Variants in EYS observed in about 807,000 individuals in gnomAD.
EYS encodes EGF-like photoreceptor maintenance factor.
Under a neutral mutation model 282.1 loss-of-function variants are expected in EYS, and 250 were observed. That is an observed-to-expected ratio of 0.89 (90% CI 0.80 to 0.98). EYS has a LOEUF of 0.98. Among genes scored for constraint, EYS ranks in the 50% least tolerant of loss-of-function variants. The probability of loss-of-function intolerance (pLI) is 0.00; values close to 1 mark genes in which losing one functional copy is unlikely to be tolerated. For missense variants in EYS, 4,016 were observed against 3,709.0 expected, an observed-to-expected ratio of 1.08 and a Z score of -2.15; for synonymous variants, 1,355 against 1,282.9, an observed-to-expected ratio of 1.06 and a Z score of -1.20.
intron 35 of EYS, among the ~76,000 whole-genome samples, chr6:63,889,898 A>G (rs940774908): frequency 1.3e-5 from 2 of 152,108 alleles, no homozygotes; most frequent in African/African-American, 4.8e-5. Flanking sequence ...AAAGTCACAC[A>G]TAGGCTCAAA....
intron 19 of EYS, among the ~76,000 whole-genome samples, chr6:64,842,598 G>T (rs2060460619): frequency 6.6e-6 from 1 of 151,922 alleles, no homozygotes; most frequent in African/African-American, 2.4e-5. Flanking sequence ...CAATATGAAT[G>T]CTAAGGTCCA....
chr6:64,291,647 A>G (rs1171121943), intron 30 of EYS, among the ~76,000 whole-genome samples: 1 of 152,134 alleles, frequency 6.6e-6, no homozygotes, highest in Non-Finnish European at 1.5e-5. Flanking sequence ...AAATTGGAAT[A>G]GAAATAAATC....
chr6:65,617,699 C>A (rs1289754435), intron 2 of EYS, among the ~76,000 whole-genome samples: 1 of 122,470 alleles, frequency 8.2e-6, no homozygotes, highest in Non-Finnish European at 1.7e-5. Flanking sequence ...CTATCCCTCC[C>A]CCCTCCCCCC....
intron 35 of EYS, among the ~76,000 whole-genome samples, chr6:63,887,468 G>A (rs1004465011): frequency 4.6e-5 from 7 of 151,936 alleles, no homozygotes; most frequent in East Asian, 1.9e-4. Context: ...AGTTCATCTC[G>A]TTGGGACTGG....
At chr6:64,358,165 G>T (rs993434175) in intron 29 of EYS, among the ~76,000 whole-genome samples, 1 of 151,594 alleles carries the variant, frequency 6.6e-6, no homozygotes, top group African/African-American at 2.4e-5. Flanking sequence ...TGCCCAGGTG[G>T]TGTCTATTCC....
At chr6:64,499,627 T>G (rs1236696839) in intron 26 of EYS, among the ~76,000 whole-genome samples, 2 of 152,094 alleles carry the variant, frequency 1.3e-5, no homozygotes, top group Non-Finnish European at 2.9e-5. Flanking sequence ...CTACCTCTTA[T>G]CTGTCTTTTT....
chr6:65,030,259 G>T (rs1400132499), intron 13 of EYS, among the ~76,000 whole-genome samples: 1 of 152,092 alleles, frequency 6.6e-6, no homozygotes, highest in African/African-American at 2.4e-5. Flanking sequence ...GATGCTGCTT[G>T]CAGCACAGTG....
chr6:65,139,222 A>T (rs1764253424), intron 12 of EYS, among the ~76,000 whole-genome samples: 1 of 152,168 alleles, frequency 6.6e-6, no homozygotes, highest in Non-Finnish European at 1.5e-5. Flanking sequence ...AAAATGTGGT[A>T]CACATACACC....
chr6:65,443,147 ACAT>A (rs1436888038), intron 5 of EYS, among the ~76,000 whole-genome samples: 4 of 150,848 alleles, frequency 2.7e-5, no homozygotes, highest in African/African-American at 4.8e-5. Flanking sequence ...ATATATGTAC[ACAT>A]CATACACATA....
At chr6:64,098,227 A>G (rs1414758743) in intron 31 of EYS, among the ~76,000 whole-genome samples, 1 of 152,218 alleles carries the variant, frequency 6.6e-6, no homozygotes, top group Non-Finnish European at 1.5e-5. Flanking sequence ...CCAGAATAGT[A>G]TATTTTGTAC....
chr6:65,097,859 G>A (rs912238745), intron 12 of EYS, among the ~76,000 whole-genome samples: 10 of 150,636 alleles, frequency 6.6e-5, no homozygotes, highest in African/African-American at 2.4e-4. Context: ...AGGGAAAATG[G>A]GAGTTGTTCA....
intron 12 of EYS, among the ~76,000 whole-genome samples, chr6:65,109,673 A>C (rs1775155180): frequency 6.7e-6 from 1 of 149,670 alleles, no homozygotes; most frequent in Non-Finnish European, 1.5e-5. Flanking sequence ...AAAAAAAAAC[A>C]CCTTTTTTTC....
At chr6:64,988,248 A>G (rs1770932831) in intron 14 of EYS, among the ~76,000 whole-genome samples, 1 of 151,548 alleles carries the variant, frequency 6.6e-6, no homozygotes, top group South Asian at 2.1e-4. Flanking sequence ...GAGAGAGATC[A>G]GGCTGAGGTG....
intron 22 of EYS, among the ~76,000 whole-genome samples, chr6:64,706,415 GACCAAGT>G (rs1771019089): frequency 6.6e-6 from 1 of 151,896 alleles, no homozygotes; most frequent in Non-Finnish European, 1.5e-5. Flanking sequence ...AAGACTTCAT[GACCAAGT>G]ACCCAAAAGC....
At chr6:65,655,170 G>A (rs1194798676) in intron 1 of EYS, among the ~76,000 whole-genome samples, 3 of 151,438 alleles carry the variant, frequency 2.0e-5, no homozygotes, top group African/African-American at 7.3e-5. Flanking sequence ...GGATGACATT[G>A]AAAACTCAGT....
chr6:64,822,525 A>ACTTAG (rs1447230007), intron 20 of EYS, 126 bp downstream of exon 20: 11 of 770,398 alleles, frequency 1.4e-5, no homozygotes, highest in African/African-American at 1.3e-4. Context: ...TCTTAAATGT[A>ACTTAG]CTTAGCTCTT....
intron 26 of EYS, among the ~76,000 whole-genome samples, chr6:64,544,399 A>T (rs1185788668): frequency 6.6e-6 from 1 of 152,204 alleles, no homozygotes; most frequent in African/African-American, 2.4e-5. Context: ...GTCAGAACAC[A>T]GTAAAGGAAC....
At chr6:64,112,260 A>C (rs2150267102) in intron 31 of EYS, among the ~76,000 whole-genome samples, 1 of 152,174 alleles carries the variant, frequency 6.6e-6, no homozygotes, top group South Asian at 2.1e-4. Flanking sequence ...AGAATCACAA[A>C]ATTTTATAGC....
At chr6:65,128,698 A>T (rs185219165) in intron 12 of EYS, among the ~76,000 whole-genome samples, 5 of 152,172 alleles carry the variant, frequency 3.3e-5, no homozygotes, top group Non-Finnish European at 7.4e-5. Context: ...TCCCATGGTC[A>T]TGGATCAAAA....
Sources: allele counts gnomAD v4.1 joint callset (sites outside exome capture counted in the v4.1 genomes callset), GRCh38; gene constraint gnomAD v4.1.1; transcripts MANE v1.5; gene names NCBI Gene and HGNC (gene_info 2026-07-23, HGNC 2026-07-21).